The following NRXN1 variants were observed in gnomAD, a reference collection of about 807,000 sequenced individuals.
NRXN1 encodes the protein neurexin-1.
In NRXN1, 39 loss-of-function variants were observed where a neutral mutation model predicts 150.9. The ratio of observed to expected loss-of-function variants is 0.26; its 90% CI spans 0.20 to 0.34. NRXN1 has a LOEUF of 0.34. NRXN1 is among the 10% of genes least tolerant of loss of function. The probability of loss-of-function intolerance (pLI) is 1.00; values close to 1 mark genes in which losing one functional copy is unlikely to be tolerated. For missense variants in NRXN1, 1,815 were observed against 1,949.9 expected (o/e 0.93, Z 1.30); for synonymous variants, 924 against 757.0 (o/e 1.22, Z -3.62).
At chr2:50,963,222 T>C (rs890721900) in intron 2 of NRXN1, among the ~76,000 whole-genome samples, 1 of 151,598 alleles carries the variant, frequency 6.6e-6, no homozygotes, top group African/African-American at 2.4e-5. Context: ...CTGCTGCCTA[T>C]TAAGATTGTT....
chr2:50,394,683 A>G (rs1356550579), intron 17 of NRXN1, among the ~76,000 whole-genome samples: 1 of 152,054 alleles, frequency 6.6e-6, no homozygotes, highest in Non-Finnish European at 1.5e-5. Flanking sequence ...CACTGCAGCC[A>G]GAGTTATCTT....
chr2:50,752,535 G>A (rs1017251117), intron 5 of NRXN1, among the ~76,000 whole-genome samples: 9 of 151,816 alleles, frequency 5.9e-5, no homozygotes, highest in Non-Finnish European at 8.8e-5. Context: ...AGCAATCTAC[G>A]TTGTATGGCT....
intron 17 of NRXN1, among the ~76,000 whole-genome samples, chr2:50,402,114 T>C (rs1466050588): frequency 2.0e-5 from 3 of 152,176 alleles, no homozygotes; most frequent in Admixed American, 6.6e-5. Context: ...CTTGTCTTCT[T>C]TTATCTATTA....
chr2:50,158,971 C>G (rs532326871), intron 18 of NRXN1, among the ~76,000 whole-genome samples: 1 of 152,014 alleles, frequency 6.6e-6, no homozygotes, highest in Non-Finnish European at 1.5e-5. Flanking sequence ...ATTCATCACA[C>G]GCAAGGTAAC....
intron 5 of NRXN1, among the ~76,000 whole-genome samples, chr2:50,756,102 T>A (rs1323906852): frequency 6.6e-6 from 1 of 151,730 alleles, no homozygotes; most frequent in East Asian, 1.9e-4. Flanking sequence ...CCACATACAA[T>A]CCTCAGGCCT....
At chr2:50,955,582 G>C (rs1219758888) in intron 2 of NRXN1, among the ~76,000 whole-genome samples, 1 of 152,196 alleles carries the variant, frequency 6.6e-6, no homozygotes, top group East Asian at 1.9e-4. Context: ...AAGTATAACT[G>C]TCAACAGCAG....
chr2:49,984,427 C>T (rs972172078), intron 21 of NRXN1, among the ~76,000 whole-genome samples: 5 of 152,010 alleles, frequency 3.3e-5, no homozygotes, highest in African/African-American at 4.8e-5. Context: ...TAAAAACAAA[C>T]AGAAACTTCT....
At chr2:50,732,895 G>T (rs1359000578) in intron 5 of NRXN1, among the ~76,000 whole-genome samples, 1 of 152,142 alleles carries the variant, frequency 6.6e-6, no homozygotes, top group East Asian at 1.9e-4. Context: ...GATCTTAGTA[G>T]ACTTTCTTCC....
rs555120683 is a variant in NRXN1, at chr2:50,918,363, T to C, written c.832+3506A>G. On this transcript the variant is annotated intron_variant, in intron 5 of 22. Transcript: ENST00000401669. Reference sequence around the variant, plus strand: ...TAAGAAAAATGTTCTGGAAATACAATGGTCAAAGAGAAAGACAAGCTTTCT... The same window carrying C: ...TAAGAAAAATGTTCTGGAAATACAACGGTCAAAGAGAAAGACAAGCTTTCT... 13 of 282,778 alleles carry C rather than the reference T, an allele frequency of 4.6e-5. No homozygotes were observed. The South Asian group carries it at 2.0e-3, about 44-fold the overall frequency. 17.5% of individuals were successfully genotyped at this position (282,778 alleles called of 1,614,324 possible).
intron 17 of NRXN1, among the ~76,000 whole-genome samples, chr2:50,288,879 A>G (rs2072541673): frequency 6.6e-6 from 1 of 152,146 alleles, no homozygotes; most frequent in East Asian, 1.9e-4. Context: ...ACTAGAAGAG[A>G]TAGCTCCATG....
chr2:51,030,441 C>T (rs975560367), intron 1 of NRXN1, among the ~76,000 whole-genome samples: 1 of 151,834 alleles, frequency 6.6e-6, no homozygotes, highest in Non-Finnish European at 1.5e-5. Context: ...CAGTACAGAG[C>T]AATCCCCACA....
intron 21 of NRXN1, among the ~76,000 whole-genome samples, chr2:50,050,159 C>CTT (rs35146990): frequency 0.012 from 1,767 of 141,642 alleles, 43 homozygotes; most frequent in African/African-American, 0.042. Context: ...AGCAAAACTT[C>CTT]TTTTTTTTTT....
intron 17 of NRXN1, among the ~76,000 whole-genome samples, chr2:50,315,301 T>C (rs1182150224): frequency 1.3e-5 from 2 of 152,088 alleles, no homozygotes; most frequent in Non-Finnish European, 2.9e-5. Flanking sequence ...GTTACTGAAC[T>C]GCAAGGTAAA....
chr2:50,472,247 TAGAC>T (rs2089550140), intron 16 of NRXN1, 47 bp downstream of exon 16: 2 of 1,442,162 alleles, frequency 1.4e-6, no homozygotes. Context: ...CACTCTCAGT[TAGAC>T]AGGTGGAATT....
At chr2:50,607,556 G>C (rs1677337804) in intron 8 of NRXN1, among the ~76,000 whole-genome samples, 1 of 152,062 alleles carries the variant, frequency 6.6e-6, no homozygotes, top group Non-Finnish European at 1.5e-5. Flanking sequence ...ACATAAGTTA[G>C]CAAATTGTGG....
At chr2:50,822,247 G>A (rs1025813032) in intron 5 of NRXN1, among the ~76,000 whole-genome samples, 27 of 152,098 alleles carry the variant, frequency 1.8e-4, no homozygotes, top group South Asian at 4.2e-4. Flanking sequence ...ATAGCTTTCC[G>A]TTTAAACTGT....
intron 19 of NRXN1, among the ~76,000 whole-genome samples, chr2:50,079,511 T>G (rs1162852043): frequency 2.0e-5 from 3 of 152,108 alleles, no homozygotes; most frequent in African/African-American, 4.8e-5. Flanking sequence ...GAATTTTCTT[T>G]TTTTAAATTA....
chr2:50,907,446 T>C (rs1683877675), intron 5 of NRXN1, among the ~76,000 whole-genome samples: 3 of 152,112 alleles, frequency 2.0e-5, no homozygotes, highest in African/African-American at 7.2e-5. Flanking sequence ...CAGTGTTGGC[T>C]GTGACCTTTA....
intron 17 of NRXN1, among the ~76,000 whole-genome samples, chr2:50,292,160 T>C (rs1016066290): frequency 6.6e-6 from 1 of 152,126 alleles, no homozygotes; most frequent in South Asian, 2.1e-4. Flanking sequence ...TAAAGGAGGT[T>C]TTTTACATTT....
Sources: gnomAD v4.1 joint callset for allele counts (sites outside exome capture counted in the v4.1 genomes callset) on GRCh38, gnomAD v4.1.1 for gene constraint, MANE v1.5 for transcripts, NCBI Gene and HGNC (gene_info 2026-07-23, HGNC 2026-07-21) for gene names.